The following RUNX2 variants were observed in gnomAD, a reference collection of about 807,000 sequenced individuals.
RUNX2 encodes runt-related transcription factor 2.
A neutral mutation model predicts 51.7 loss-of-function variants in RUNX2; 10 were observed. That is an observed-to-expected ratio of 0.19 (90% CI 0.12 to 0.33). The LOEUF is 0.33. Ranked by LOEUF, RUNX2 falls within the 10% of genes least tolerant of loss-of-function variation. The pLI is 1.00. For synonymous variants in RUNX2, 276 were observed against 273.6 expected, an observed-to-expected ratio of 1.01 and a Z score of -0.09; for missense variants, 562 against 691.3, an observed-to-expected ratio of 0.81 and a Z score of 2.10.
intron 7 of RUNX2, among the ~76,000 whole-genome samples, chr6:45,531,636 C>T (rs1044893125): frequency 6.6e-6 from 1 of 151,984 alleles, no homozygotes; most frequent in Admixed American, 6.6e-5. Context: ...ACCTGTAGTC[C>T]CAGCTACTTG....
intron 2 of RUNX2, among the ~76,000 whole-genome samples, chr6:45,390,246 T>C (rs1797443052): frequency 6.6e-6 from 1 of 152,186 alleles, no homozygotes; most frequent in African/African-American, 2.4e-5. Flanking sequence ...AGCATTTTGT[T>C]TTTTATGCTG....
intron 2 of RUNX2, chr6:45,371,931 G>A: frequency 2.5e-6 from 2 of 802,188 alleles, no homozygotes; most frequent in Non-Finnish European, 3.0e-6. Flanking sequence ...ACTGCCCAAG[G>A]ACACACTACT....
intron 2 of RUNX2, among the ~76,000 whole-genome samples, chr6:45,380,950 A>C (rs557739509): frequency 1.3e-5 from 2 of 152,190 alleles, no homozygotes; most frequent in African/African-American, 4.8e-5. Flanking sequence ...TTTGAGATTC[A>C]TAACTCTTAC....
intron 6 of RUNX2, among the ~76,000 whole-genome samples, chr6:45,511,288 T>A (rs1237609531): frequency 6.6e-6 from 1 of 152,224 alleles, no homozygotes; most frequent in Non-Finnish European, 1.5e-5. Context: ...ATATTGTTAA[T>A]GTTCAGCAAT....
chr6:45,422,641 C>T lies in RUNX2; in HGVS notation c.107C>T (p.Pro36Leu). The T allele has an allele frequency of 6.2e-7, 1 of 1,606,768 alleles. No individual in the cohort carries two copies. Among genetic ancestry groups the T allele is most frequent in the South Asian group, 1.1e-5 (1 of 89,838 alleles). ...RFSPPSSSLQPGKMSDVSPVV... is the reference protein window; with the variant it reads ...RFSPPSSSLQLGKMSDVSPVV... ...AGCCCCCCCTCCAGCAGCCTGCAGC[C>T]CGGCAAAATGAGCGACGTGAGCCCG... is the stretch of plus-strand genomic sequence containing the variant. Residue 36 changes from proline (P) to leucine (L), a missense_variant, in exon 3 of 9, where the codon CCC becomes CTC. Physicochemically the swap from Pro to Leu is moderately conservative, Grantham distance 98 (BLOSUM62 -3). Coordinates refer to ENST00000647337, the MANE Select transcript of RUNX2 (RefSeq NM_001024630.4).
intron 2 of RUNX2, among the ~76,000 whole-genome samples, chr6:45,339,072 C>T (rs563444408): frequency 7.7e-4 from 117 of 152,206 alleles, no homozygotes; most frequent in African/African-American, 2.7e-3. Context: ...AGAAGACATA[C>T]TTGCCATAAA....
intron 2 of RUNX2, among the ~76,000 whole-genome samples, chr6:45,360,837 C>T (rs1445284768): frequency 6.6e-6 from 1 of 152,176 alleles, no homozygotes; most frequent in African/African-American, 2.4e-5. Flanking sequence ...AGCTTATCCT[C>T]AGAAGAGTTC....
At chr6:45,386,303 G>A (rs748620385) in intron 2 of RUNX2, among the ~76,000 whole-genome samples, 2 of 152,164 alleles carry the variant, frequency 1.3e-5, no homozygotes, top group Non-Finnish European at 2.9e-5. Context: ...CCGACCTCAG[G>A]TGATCTGCCC....
At chr6:45,348,931 C>A (rs76626857) in intron 2 of RUNX2, among the ~76,000 whole-genome samples, 4,481 of 152,196 alleles carry the variant, frequency 0.029, 92 homozygotes, top group Non-Finnish European at 0.047. Context: ...GTCCTTATCA[C>A]AATTTATAAT....
At chr6:45,424,401 G>A (rs1449213268) in intron 3 of RUNX2, among the ~76,000 whole-genome samples, 1 of 152,222 alleles carries the variant, frequency 6.6e-6, no homozygotes, top group Non-Finnish European at 1.5e-5. Flanking sequence ...GGGATGCAGG[G>A]GTGGTAAGCC....
intron 4 of RUNX2, among the ~76,000 whole-genome samples, chr6:45,432,956 C>G (rs1798584786): frequency 6.6e-6 from 1 of 152,042 alleles, no homozygotes. Context: ...CATTGCAACC[C>G]AGGTTTGAAT....
intron 7 of RUNX2, among the ~76,000 whole-genome samples, chr6:45,527,798 T>C (rs746889174): frequency 2.6e-5 from 4 of 152,222 alleles, no homozygotes; most frequent in Non-Finnish European, 5.9e-5. Flanking sequence ...CCAATAGCTT[T>C]CCTTCCTTGG....
At chr6:45,336,877 G>A (rs965639087) in intron 2 of RUNX2, among the ~76,000 whole-genome samples, 6 of 151,282 alleles carry the variant, frequency 4.0e-5, no homozygotes, top group African/African-American at 1.2e-4. Flanking sequence ...TTTTGATCCA[G>A]AAACATCTTA....
chr6:45,339,310 C>T (rs1392503215), intron 2 of RUNX2, among the ~76,000 whole-genome samples: 1 of 151,998 alleles, frequency 6.6e-6, no homozygotes, highest in Non-Finnish European at 1.5e-5. Flanking sequence ...GGAGAGAAAG[C>T]CTTCAGAACT....
At chr6:45,521,323 A>T (rs1188711897) in intron 7 of RUNX2, among the ~76,000 whole-genome samples, 3 of 152,238 alleles carry the variant, frequency 2.0e-5, no homozygotes, top group Non-Finnish European at 1.5e-5. Context: ...TAGCACAGTA[A>T]GAGTGTGCAT....
chr6:45,374,187 C>A (rs1239883279), intron 2 of RUNX2, among the ~76,000 whole-genome samples: 1 of 152,056 alleles, frequency 6.6e-6, no homozygotes, highest in Non-Finnish European at 1.5e-5. Flanking sequence ...AAAGAATGTG[C>A]CAGAAAAGGG....
At chr6:45,504,508 G>GT (rs1800899195) in intron 6 of RUNX2, among the ~76,000 whole-genome samples, 1 of 152,198 alleles carries the variant, frequency 6.6e-6, no homozygotes, top group Non-Finnish European at 1.5e-5. Context: ...TTTGTAAACA[G>GT]TTTCCTGTTA....
chr6:45,369,024 CATAAA>C (rs899874459), intron 2 of RUNX2, among the ~76,000 whole-genome samples: 3 of 151,958 alleles, frequency 2.0e-5, no homozygotes, highest in African/African-American at 4.8e-5. Context: ...AAATTAAATA[CATAAA>C]ATATCTATAA....
intron 7 of RUNX2, among the ~76,000 whole-genome samples, chr6:45,535,929 G>T (rs969642648): frequency 2.0e-5 from 3 of 152,012 alleles, no homozygotes; most frequent in Non-Finnish European, 4.4e-5. Context: ...AGACTGGAAA[G>T]GTAAGTTGGG....
Sources: allele counts gnomAD v4.1 joint callset (sites outside exome capture counted in the v4.1 genomes callset), GRCh38; gene constraint gnomAD v4.1.1; transcripts MANE v1.5; gene names NCBI Gene and HGNC (gene_info 2026-07-23, HGNC 2026-07-21).